Variants in DENND11 observed in about 807,000 individuals in gnomAD.
DENND11 encodes the protein DENN domain containing 11.
A neutral mutation model predicts 49.2 loss-of-function variants in DENND11; 34 were observed. The ratio of observed to expected loss-of-function variants is 0.69; its 90% CI spans 0.53 to 0.92. The LOEUF (loss-of-function observed/expected upper bound fraction) is 0.92, where lower values mean the gene tolerates loss of function less well. Among genes scored for constraint, DENND11 ranks in the 40% least tolerant of loss-of-function variants. The pLI, the probability that DENND11 is intolerant of heterozygous loss-of-function variation, is 0.00. For synonymous variants in DENND11, 238 were observed against 230.3 expected (o/e 1.03, Z -0.30); for missense variants, 475 against 581.6 (o/e 0.82, Z 1.88).
At position 141,686,575 on chromosome 7, in the gene DENND11, T is replaced by C. The variant is rs748237219; in HGVS notation, c.352A>G (p.Ile118Val). The C allele has an allele frequency of 1.2e-5, 20 of 1,610,548 alleles. No homozygotes were observed. The South Asian group carries it at 1.8e-4, about 14-fold the overall frequency. Residue 118 changes from isoleucine (I) to valine (V), a missense_variant, in exon 2 of 9, where the codon ATC (isoleucine) becomes GTC (valine). Transcript: ENST00000536163. ...AGTACTTACATGAAATCAGATTGGA[T>C]TTTATGGGACCCACTGGCCATAGAC... ...FKSMASGSHKIQSDFIYFRKG... is the reference protein window; with the variant it reads ...FKSMASGSHKVQSDFIYFRKG...
intron 3 of DENND11, among the ~76,000 whole-genome samples, chr7:141,683,807 G>A (rs1798187063): frequency 6.6e-6 from 1 of 152,222 alleles, no homozygotes; most frequent in Admixed American, 6.5e-5. Flanking sequence ...AGGGGAAGAA[G>A]AAAGCATTCA....
At chr7:141,701,362 CGAGCGGG>C (rs1305897399) in intron 1 of DENND11, among the ~76,000 whole-genome samples, 15 of 140,720 alleles carry the variant, frequency 1.1e-4, no homozygotes, top group Non-Finnish European at 1.5e-4. Flanking sequence ...GGAGCTAGGG[CGAGCGGG>C]GAGCGGGGGA....
chr7:141,694,906 C>T (rs1021093613), intron 1 of DENND11, among the ~76,000 whole-genome samples: 1 of 152,176 alleles, frequency 6.6e-6, no homozygotes, highest in Non-Finnish European at 1.5e-5. Context: ...AGTTTTGCCT[C>T]TGATTTCAGA....
intron 4 of DENND11, among the ~76,000 whole-genome samples, chr7:141,673,226 C>T (rs1363101445): frequency 4.0e-5 from 6 of 151,240 alleles, no homozygotes; most frequent in Non-Finnish European, 7.4e-5. Flanking sequence ...CGGTTGTTTT[C>T]GCTGGAAAAC....
rs568479809 is a variant in DENND11 at position 141,691,355 on chromosome 7, G to A, written c.269-4697C>T. ...AGCCCCAGGCTGCTATCACCTGATCGTTACATGAAAAAGAAATAGACTCCT... is the reference window on the plus strand; with the variant it reads ...AGCCCCAGGCTGCTATCACCTGATCATTACATGAAAAAGAAATAGACTCCT... On this transcript the variant is annotated intron_variant, in intron 1 of 8. Transcript: ENST00000536163. Among the ~76,000 whole-genome samples, 129 of 152,290 alleles carry A rather than the reference G, an allele frequency of 8.5e-4. 1 individual carries two copies. Among genetic ancestry groups the A allele is most frequent in the African/African-American group, 2.9e-3 (122 of 41,572 alleles).
At chr7:141,682,135 GGT>G (rs1053417014) in intron 3 of DENND11, among the ~76,000 whole-genome samples, 10 of 152,156 alleles carry the variant, frequency 6.6e-5, no homozygotes, top group Non-Finnish European at 1.5e-4. Context: ...AAGTTTTCAG[GGT>G]AAGAAGAACC....
chr7:141,701,350 G>C (rs114951715), intron 1 of DENND11, among the ~76,000 whole-genome samples: 5,928 of 147,898 alleles, frequency 0.04, 268 homozygotes, highest in South Asian at 0.13. Context: ...AGGAAGCGAC[G>C]GGGAGCTAGG....
Position 141,659,055 on chromosome 7 carries a change from A to AC in DENND11, c.*3600dup, listed in dbSNP as rs1466110469. 1 of 152,366 alleles carries AC rather than the reference A, an allele frequency of 6.6e-6. No individual in the cohort carries two copies. The highest frequency in any genetic ancestry group is 2.4e-5 in the African/African-American group (1 of 41,448). 9.4% of individuals were successfully genotyped at this position (152,366 alleles called of 1,614,324 possible). On this transcript the variant is annotated 3_prime_UTR_variant, in exon 9 of 9. Coordinates refer to ENST00000536163, the MANE Select transcript of DENND11 (RefSeq NM_001080392.2). Reference sequence around the variant, plus strand: ...ACATGTGGCATCTGGAAGCATGTGCACCTGTGTGCTATCTTAACTTTCTTG... The same window carrying AC: ...ACATGTGGCATCTGGAAGCATGTGCACCCTGTGTGCTATCTTAACTTTCTTG...
intron 3 of DENND11, among the ~76,000 whole-genome samples, chr7:141,682,204 G>T (rs1798157863): frequency 6.6e-6 from 1 of 152,192 alleles, no homozygotes; most frequent in Non-Finnish European, 1.5e-5. Context: ...CTAGATTTTA[G>T]ACTGGAAGCA....
chr7:141,671,103 T>C (rs1797973284), intron 4 of DENND11, among the ~76,000 whole-genome samples: 1 of 152,240 alleles, frequency 6.6e-6, no homozygotes, highest in African/African-American at 2.4e-5. Context: ...AATGTTGAAT[T>C]AAATATTGTT....
chr7:141,669,809 A>ATTT (rs72053527), intron 4 of DENND11, among the ~76,000 whole-genome samples: 33,093 of 116,020 alleles, frequency 0.29, 6,274 homozygotes, highest in Non-Finnish European at 0.4. Context: ...CATACATGCT[A>ATTT]TTTTTTTTTT....
intron 8 of DENND11, chr7:141,663,761 CAA>C (rs746549765): frequency 5.0e-5 from 8 of 160,840 alleles, no homozygotes; most frequent in Non-Finnish European, 8.1e-5. Context: ...ACCTACGGGG[CAA>C]AGAGATTTCA....
At chr7:141,694,426 AATT>A (rs1447415997) in intron 1 of DENND11, among the ~76,000 whole-genome samples, 1 of 151,936 alleles carries the variant, frequency 6.6e-6, no homozygotes, top group Non-Finnish European at 1.5e-5. Context: ...ATGCCGGGCT[AATT>A]TTTTAAATTT....
In DENND11 at chr7:141,668,600, C is replaced by A. The variant is rs183969742; in HGVS notation, c.682-2175G>T. Among the ~76,000 whole-genome samples, 767 of 150,846 alleles carry A rather than the reference C, an allele frequency of 5.1e-3. 8 individuals are homozygous for A. Among genetic ancestry groups the A allele is most frequent in the African/African-American group, 0.019 (749 of 40,272 alleles). ...GACTGTCTCAAAACAAACAAACAAACAACAAACAAAAACAGATGAATCTGA... is the reference window on the plus strand; with the variant it reads ...GACTGTCTCAAAACAAACAAACAAAAAACAAACAAAAACAGATGAATCTGA... On this transcript the variant is annotated intron_variant, in intron 4 of 8. Coordinates refer to ENST00000536163, the MANE Select transcript of DENND11 (RefSeq NM_001080392.2).
intron 4 of DENND11, among the ~76,000 whole-genome samples, chr7:141,669,240 T>TA (rs2117055883): frequency 6.6e-6 from 1 of 150,608 alleles, no homozygotes; most frequent in South Asian, 2.1e-4. Context: ...CTTACTTCTT[T>TA]AAAGTTTTTT....
chr7:141,696,570 C>G (rs1415410749), intron 1 of DENND11, among the ~76,000 whole-genome samples: 1 of 152,310 alleles, frequency 6.6e-6, no homozygotes, highest in South Asian at 2.1e-4. Context: ...GCTCCTCTGA[C>G]CTCAGGAGTG....
intron 1 of DENND11, among the ~76,000 whole-genome samples, chr7:141,695,201 TA>T (rs1220082115): frequency 6.6e-6 from 1 of 152,138 alleles, no homozygotes; most frequent in Non-Finnish European, 1.5e-5. Context: ...TTTCATGTTA[TA>T]GGGGATATGA....
intron 1 of DENND11, among the ~76,000 whole-genome samples, chr7:141,692,570 C>T (rs1798344290): frequency 6.6e-6 from 1 of 152,100 alleles, no homozygotes; most frequent in African/African-American, 2.4e-5. Context: ...AAGTGGACAT[C>T]TACATGCAAA....
At chr7:141,699,595 C>T (rs1272165900) in intron 1 of DENND11, among the ~76,000 whole-genome samples, 1 of 152,162 alleles carries the variant, frequency 6.6e-6, no homozygotes, top group Non-Finnish European at 1.5e-5. Context: ...TCTCACACTG[C>T]GCTCTCTCTT....
Sources: allele counts gnomAD v4.1 joint callset (sites outside exome capture counted in the v4.1 genomes callset), GRCh38; gene constraint gnomAD v4.1.1; transcripts MANE v1.5; gene names NCBI Gene and HGNC (gene_info 2026-07-23, HGNC 2026-07-21).